SPATA6L: variants seen among roughly 807,000 people sequenced by gnomAD.
SPATA6L encodes the protein spermatogenesis associated 6 like.
SPATA6L carries 68 observed loss-of-function variants against 49.2 expected under a neutral mutation model. The ratio of observed to expected loss-of-function variants is 1.38; its 90% CI spans 1.14 to 1.69. The LOEUF is 1.69. SPATA6L is among the 40% of genes most tolerant of loss of function. SPATA6L has a pLI of 0.00. For synonymous variants in SPATA6L, 198 were observed against 165.7 expected (o/e 1.19, Z -1.50); for missense variants, 668 against 464.3 (o/e 1.44, Z -4.03).
At chr9:4,655,292 A>G (rs891152998) in intron 3 of SPATA6L, among the ~76,000 whole-genome samples, 1 of 152,212 alleles carries the variant, frequency 6.6e-6, no homozygotes, top group Non-Finnish European at 1.5e-5. Flanking sequence ...ATCACAAAGG[A>G]GCACATGTTG....
chr9:4,597,439 A>C (rs16921557), downstream of SPATA6L, among the ~76,000 whole-genome samples: 608 of 152,054 alleles, frequency 4.0e-3, 5 homozygotes, highest in African/African-American at 0.014. Context: ...CCCAAGGAAA[A>C]ATTTTGGACT....
At chr9:4,597,984 C>A (rs1048481220), downstream of SPATA6L, among the ~76,000 whole-genome samples, 2 of 152,194 alleles carry the variant, frequency 1.3e-5, no homozygotes, top group African/African-American at 2.4e-5. Flanking sequence ...CACACACATA[C>A]CCATCAGTCT....
Position 4,626,898 on chromosome 9 carries a change from G to A in SPATA6L, c.430-1332C>T, listed in dbSNP as rs148110616. On this transcript the variant is annotated intron_variant, in intron 5 of 11. Transcript: ENST00000682582. Reference sequence around the variant, plus strand: ...GGTACAAAATAATATGCAATGCAGCGTGATCTCAATCTTTTTTAAAAGTGT... The same window carrying A: ...GGTACAAAATAATATGCAATGCAGCATGATCTCAATCTTTTTTAAAAGTGT... 4.4e-4 allele frequency: 74 copies of A among 167,534 alleles called. 2 individuals carry two copies. In the East Asian group the frequency reaches 0.01, roughly 23 times the overall value. 10.4% of individuals were successfully genotyped at this position (167,534 alleles called of 1,614,324 possible).
At chr9:4,649,196 A>C (rs973137345) in intron 3 of SPATA6L, among the ~76,000 whole-genome samples, 5 of 152,116 alleles carry the variant, frequency 3.3e-5, no homozygotes, top group Non-Finnish European at 7.3e-5. Flanking sequence ...GTGTGTAAGT[A>C]TTTTTTTCAT....
intron 2 of SPATA6L, 133 bp downstream of exon 2, chr9:4,661,766 A>AAGGCCGACTGCGGTT: frequency 4.5e-5 from 37 of 819,772 alleles, no homozygotes; most frequent in Non-Finnish European, 5.3e-5. Flanking sequence ...GCGGTTTTGC[A>AAGGCCGACTGCGGTT]TTGTGCTGAA....
chr9:4,589,491 T>C (rs1378348966), intron 13 of SPATA6L, among the ~76,000 whole-genome samples: 1 of 152,204 alleles, frequency 6.6e-6, no homozygotes, highest in Admixed American at 6.5e-5. Context: ...CAGCCCCCAT[T>C]CTATAAAGGG....
chr9:4,622,287 T>A, intron 7 of SPATA6L, 121 bp downstream of exon 7: 1 of 641,854 alleles, frequency 1.6e-6, no homozygotes, highest in Admixed American at 2.7e-5. Flanking sequence ...AGCTGGAGAG[T>A]ACTTGAGAAT....
rs1352792546 is a variant in SPATA6L at position 4,629,497 on chromosome 9, G to A, written c.352-329C>T. ...AATGAGGGCTATTAATTGAACCCAG[G>A]CATTCCGGCTCCAGTGTCCATGATG... is the stretch of plus-strand genomic sequence containing the variant. On this transcript the variant is annotated intron_variant, in intron 4 of 11. Transcript: ENST00000682582. Among the ~76,000 whole-genome samples, 6 of 151,830 alleles carry A rather than the reference G, an allele frequency of 4.0e-5. No homozygotes were observed. In the East Asian group the frequency reaches 1.2e-3, roughly 29 times the overall value.
At position 4,590,777 on chromosome 9, in the gene SPATA6L, G is replaced by C. The variant is rs535597774; in HGVS notation, c.*255-1816C>G. The stretch of plus-strand genomic sequence containing the variant: ...AAATGGAGGGAGGCAAATAACCCTG[G>C]AACTAAATGCAGAATCAACTAAACT... On this transcript the variant is annotated intron_variant and NMD_transcript_variant, in intron 13 of 13. Transcript: ENST00000461761. 2.2e-4 allele frequency among the ~76,000 whole-genome samples: 34 copies of C among 152,176 alleles called. 1 individual carries two copies. In the South Asian group the frequency reaches 4.4e-3, roughly 20 times the overall value.
chr9:4,662,795 G>C lies in SPATA6L; in HGVS notation c.40-759C>G, dbSNP rs774193833. 2 of 1,605,228 alleles carry C rather than the reference G, an allele frequency of 1.2e-6. No individual in the cohort carries two copies. Among genetic ancestry groups the C allele is most frequent in the Admixed American group, 1.7e-5 (1 of 60,024 alleles). ...CCCTTATGAAGCTGCTGGAGATCTCGGGACACGGCATCCCCTGGCTGCTGG... is the reference window on the plus strand; with the variant it reads ...CCCTTATGAAGCTGCTGGAGATCTCCGGACACGGCATCCCCTGGCTGCTGG... On this transcript the variant is annotated intron_variant, in intron 1 of 11. Coordinates refer to ENST00000682582, the MANE Select transcript of SPATA6L (RefSeq NM_001353486.2). The surrounding 1 kb of genome is among the most constrained non-coding windows in gnomAD (Gnocchi z 4.9).
chr9:4,617,363 C>G (rs927511696), intron 9 of SPATA6L: 1 of 152,198 alleles, frequency 6.6e-6, no homozygotes, highest in Non-Finnish European at 1.5e-5. Context: ...ACTTTCAGGT[C>G]TAAAATCAGG....
At chr9:4,619,256 C>G (rs113543819) in intron 7 of SPATA6L, among the ~76,000 whole-genome samples, 2 of 148,840 alleles carry the variant, frequency 1.3e-5, no homozygotes, top group African/African-American at 5.0e-5. Context: ...CTCCCAGGTT[C>G]AAGAGATTCT....
At chr9:4,648,512 A>T (rs1000487216) in intron 3 of SPATA6L, among the ~76,000 whole-genome samples, 20 of 152,046 alleles carry the variant, frequency 1.3e-4, no homozygotes, top group Non-Finnish European at 2.1e-4. Context: ...ATCCTGGTCT[A>T]ACTCGGTGAA....
At chr9:4,644,685 T>TCA (rs59433051) in intron 3 of SPATA6L, among the ~76,000 whole-genome samples, 6,770 of 107,584 alleles carry the variant, frequency 0.063, 177 homozygotes, top group Non-Finnish European at 0.077. Context: ...TCTCTCTCTC[T>TCA]CACACACACA....
chr9:4,663,469 A>C (rs888542526), intron 1 of SPATA6L: 1 of 560,930 alleles, frequency 1.8e-6, no homozygotes, highest in African/African-American at 1.9e-5. Flanking sequence ...AAAGCAAAAA[A>C]ACCCAAAAAA....
Position 4,662,043 on chromosome 9 carries a change from A to C in SPATA6L, c.40-7T>G. On this transcript the variant is annotated splice_region_variant and splice_polypyrimidine_tract_variant and intron_variant, in intron 1 of 11. Transcript: ENST00000682582. This position sits in a 1 kb window ranked among gnomAD's most constrained non-coding sequence, Gnocchi z 4.9. Reference sequence around the variant, plus strand: ...ACACTCCTGGGCAAGAAATCTTAAAAAGAAAGAAAACAACAAACAAGGGAG... The same window carrying C: ...ACACTCCTGGGCAAGAAATCTTAAACAGAAAGAAAACAACAAACAAGGGAG... The C allele has an allele frequency of 6.2e-7, 1 of 1,613,014 alleles. No individual in the cohort carries two copies. Among genetic ancestry groups the C allele is most frequent in the South Asian group, 1.1e-5 (1 of 91,000 alleles).
At position 4,607,000 on chromosome 9, in the gene SPATA6L, G is replaced by A. The variant is rs967097354; in HGVS notation, c.996-1560C>T. On this transcript the variant is annotated intron_variant, in intron 9 of 11. Transcript: ENST00000682582. ...GCTCAAGAACTACGTGAAGAATGCA[G>A]AAGCCTCAGGAGCCGATGCAATCAA... 1.6e-4 allele frequency among the ~76,000 whole-genome samples: 23 copies of A among 148,332 alleles called. 2 individuals carry two copies. The highest frequency in any genetic ancestry group is 6.0e-4 in the African/African-American group (23 of 38,636).
chr9:4,622,951 C>T (rs1476865946), intron 6 of SPATA6L, among the ~76,000 whole-genome samples: 1 of 151,128 alleles, frequency 6.6e-6, no homozygotes, highest in Admixed American at 6.6e-5. Context: ...CCACATTCCT[C>T]TCTGGTCCGA....
chr9:4,606,692 G>T (rs1339079903), intron 9 of SPATA6L, among the ~76,000 whole-genome samples: 1 of 131,408 alleles, frequency 7.6e-6, no homozygotes, highest in Non-Finnish European at 1.6e-5. Context: ...CAAAGATGGG[G>T]AAAAAACAGA....
Sources: gnomAD v4.1 joint callset for allele counts (sites outside exome capture counted in the v4.1 genomes callset) on GRCh38, gnomAD v4.1.1 for gene constraint, Gnocchi (gnomAD v3.1) non-coding constraint, MANE v1.5 for transcripts, NCBI Gene and HGNC (gene_info 2026-07-23, HGNC 2026-07-21) for gene names.